ENDOV: variants seen among roughly 807,000 people sequenced by gnomAD.
ENDOV encodes endonuclease V.
Under a neutral mutation model 39.4 loss-of-function variants are expected in ENDOV, and 37 were observed. That is an observed-to-expected ratio of 0.94 (90% CI 0.72 to 1.23). The LOEUF (loss-of-function observed/expected upper bound fraction) is 1.23, where lower values mean the gene tolerates loss of function less well. ENDOV is among the 50% of genes most tolerant of loss of function. The pLI is 0.00. For synonymous variants in ENDOV, 186 were observed against 163.4 expected (o/e 1.14, Z -1.05); for missense variants, 441 against 375.7 (o/e 1.17, Z -1.44).
chr17:80,427,549 CA>C, intron 7 of ENDOV: 2 of 1,058,350 alleles, frequency 1.9e-6, no homozygotes, highest in Non-Finnish European at 2.3e-6. Flanking sequence ...GATATGCAGC[CA>C]CCCCGTACCA....
At chr17:80,416,129 C>T (rs1316941262) in intron 2 of ENDOV, 3 of 228,332 alleles carry the variant, frequency 1.3e-5, no homozygotes, top group South Asian at 9.1e-5. Context: ...CCCAGCTACT[C>T]GGAAGGCTGA....
In ENDOV at chr17:80,428,357, C is replaced by T. The variant is rs115648368; in HGVS notation, c.715-239C>T. 866 of 552,494 alleles carry T rather than the reference C, an allele frequency of 1.6e-3. 3 individuals carry two copies. Among genetic ancestry groups the T allele is most frequent in the African/African-American group, 0.015 (780 of 52,850 alleles). The allele number at this position is 552,494 out of a possible 1,614,324, so 34.2% of individuals were successfully genotyped here. On this transcript the variant is annotated intron_variant, in intron 7 of 9. Coordinates refer to ENST00000518137, the MANE Select transcript of ENDOV (RefSeq NM_173627.5). The stretch of plus-strand genomic sequence containing the variant: ...CCACTCACCAGCTACTCAGGCCCTT[C>T]AGGGACTGCCCAGCTCGGTTTGAGA...
Position 80,426,804 on chromosome 17 carries a change from C to T in ENDOV, c.714+1184C>T, listed in dbSNP as rs1018874459. The stretch of plus-strand genomic sequence containing the variant: ...GACTTGGATGGCTGTGAGTTGGCAG[C>T]GGGGCGCCCGCAGATTGGCCTTTTT... On this transcript the variant is annotated intron_variant, in intron 7 of 9. Transcript: ENST00000518137. 3.3e-5 allele frequency among the ~76,000 whole-genome samples: 5 copies of T among 152,342 alleles called. No homozygotes were observed. The East Asian group carries it at 5.8e-4, about 18-fold the overall frequency.
chr17:80,419,467 GGTGT>G, intron 2 of ENDOV: 1 of 652,562 alleles, frequency 1.5e-6, no homozygotes, highest in South Asian at 1.7e-5. Context: ...AGCGATGGCT[GGTGT>G]GTGCTGCTCC....
At chr17:80,429,096 A>G (rs1210791552) in intron 8 of ENDOV, among the ~76,000 whole-genome samples, 1 of 152,238 alleles carries the variant, frequency 6.6e-6, no homozygotes, top group Non-Finnish European at 1.5e-5. Flanking sequence ...TCGTCGGGAT[A>G]GGCTCTGTAA....
At chr17:80,419,849 A>T (rs926657089) in intron 2 of ENDOV, 4 of 601,618 alleles carry the variant, frequency 6.6e-6, no homozygotes, top group Middle Eastern at 3.4e-4. Context: ...ACGCCATTTC[A>T]GTCGGTGTAG....
chr17:80,423,392 C>T (rs1459232386), intron 4 of ENDOV, 128 bp from the exon 5 acceptor site: 2 of 895,370 alleles, frequency 2.2e-6, no homozygotes, highest in Non-Finnish European at 3.3e-6. Flanking sequence ...TCTGGTTTCC[C>T]CAGCCCTCTG....
At chr17:80,418,075 A>G (rs1178844876) in intron 2 of ENDOV, 2 of 152,098 alleles carry the variant, frequency 1.3e-5, no homozygotes, top group African/African-American at 4.8e-5. Flanking sequence ...CCCCTACTCT[A>G]AGAGGTCCCC....
At chr17:80,425,759 A>T in intron 7 of ENDOV, 139 bp downstream of exon 7, 1 of 1,342,682 alleles carries the variant, frequency 7.4e-7, no homozygotes, top group Non-Finnish European at 1.0e-6. Flanking sequence ...AGGACAGGTC[A>T]CAGACATCTT....
At chr17:80,424,989 G>A (rs1038401912) in intron 5 of ENDOV, 43 bp from the exon 6 acceptor site, 1 of 1,548,160 alleles carries the variant, frequency 6.5e-7, no homozygotes, top group Non-Finnish European at 8.9e-7. Context: ...CCTTCACCAA[G>A]AAGAGAGGGG....
chr17:80,435,421 C>T (rs902755060), intron 9 of ENDOV, among the ~76,000 whole-genome samples: 2 of 152,190 alleles, frequency 1.3e-5, no homozygotes, highest in Admixed American at 1.3e-4. Flanking sequence ...GAGCAGGTCC[C>T]ATGTCATACC....
chr17:80,415,511 C>T lies in ENDOV; in HGVS notation c.57-139C>T, dbSNP rs571060919. On this transcript the variant is annotated intron_variant, in intron 1 of 9. Coordinates refer to ENST00000518137, the MANE Select transcript of ENDOV (RefSeq NM_173627.5). The stretch of plus-strand genomic sequence containing the variant: ...CCGCCTGGGCTCCTAGGGACTGTGG[C>T]CTCGGCGGTATGTCCCTTGCTTTCC... The T allele has an allele frequency of 1.5e-4, 174 of 1,185,538 alleles. 1 individual carries two copies. The highest frequency in any genetic ancestry group is 1.9e-4 in the Non-Finnish European group (166 of 853,684). 73.4% of individuals were successfully genotyped at this position (1,185,538 alleles called of 1,614,324 possible).
intron 9 of ENDOV, among the ~76,000 whole-genome samples, chr17:80,430,847 T>C (rs1416046373): frequency 6.6e-6 from 1 of 152,230 alleles, no homozygotes; most frequent in East Asian, 1.9e-4. Flanking sequence ...CTGTCTCCAC[T>C]GTGGGAAAGC....
chr17:80,433,308 C>CTTG (rs2083436848), intron 9 of ENDOV: 1 of 480,434 alleles, frequency 2.1e-6, no homozygotes, highest in Non-Finnish European at 4.2e-6. Flanking sequence ...AGCAGGGAGC[C>CTTG]TTGGCACATG....
At chr17:80,419,276 T>C in intron 2 of ENDOV, 1 of 346,360 alleles carries the variant, frequency 2.9e-6, no homozygotes, top group Non-Finnish European at 5.3e-6. Context: ...TAAGCTTTCC[T>C]GTGATTCTGA....
At position 80,437,125 on chromosome 17, in the gene ENDOV, T is replaced by G. The variant is rs564672951; in HGVS notation, c.*982T>G. 93 of 152,908 alleles carry G rather than the reference T, an allele frequency of 6.1e-4. No individual in the cohort carries two copies. The highest frequency in any genetic ancestry group is 1.2e-3 in the Admixed American group (18 of 15,308). 9.5% of individuals were successfully genotyped at this position (152,908 alleles called of 1,614,324 possible). A position where few individuals can be genotyped will look rare whatever the true frequency, so the allele number is the denominator to read the frequency against. On this transcript the variant is annotated 3_prime_UTR_variant, in exon 10 of 10. Transcript: ENST00000518137. The stretch of plus-strand genomic sequence containing the variant: ...GCATCTTCTTTTAACTTGGGCCATC[T>G]GGCCGTGCATGGTTTTGGGAGAGTC...
intron 8 of ENDOV, 100 bp downstream of exon 8, chr17:80,428,760 C>A: frequency 8.3e-7 from 1 of 1,208,208 alleles, no homozygotes; most frequent in Non-Finnish European, 1.2e-6. Context: ...AATATTGTGG[C>A]TCAGGACAGA....
intron 2 of ENDOV, chr17:80,420,072 A>C: frequency 4.3e-6 from 1 of 233,396 alleles, no homozygotes; most frequent in South Asian, 6.2e-5. Context: ...CTGCTCTGGA[A>C]TATTCTCTCT....
chr17:80,422,299 G>A, intron 4 of ENDOV, 54 bp downstream of exon 4: 7 of 1,595,326 alleles, frequency 4.4e-6, no homozygotes, highest in Non-Finnish European at 6.0e-6. Flanking sequence ...AGCGGGGGGA[G>A]AGGGCACCTC....
Sources: allele counts gnomAD v4.1 joint callset (sites outside exome capture counted in the v4.1 genomes callset), GRCh38; gene constraint gnomAD v4.1.1; transcripts MANE v1.5; gene names NCBI Gene and HGNC (gene_info 2026-07-23, HGNC 2026-07-21).